FOCAD: variants seen among roughly 807,000 people sequenced by gnomAD.
FOCAD encodes the protein KIAA1797.
FOCAD carries 198 observed loss-of-function variants against 225.6 expected under a neutral mutation model. The ratio of observed to expected loss-of-function variants is 0.88; its 90% CI spans 0.78 to 0.99. FOCAD has a LOEUF of 0.99. Among genes scored for constraint, FOCAD ranks in the 50% least tolerant of loss-of-function variants. The probability of loss-of-function intolerance (pLI) is 0.00; values close to 1 mark genes in which losing one functional copy is unlikely to be tolerated. For missense variants in FOCAD, 2,713 were observed against 2,123.6 expected (o/e 1.28, Z -5.46); for synonymous variants, 897 against 755.0 (o/e 1.19, Z -3.08).
intron 15 of FOCAD, among the ~76,000 whole-genome samples, chr9:20,840,513 A>G (rs1164889465): frequency 1.4e-5 from 2 of 148,080 alleles, no homozygotes; most frequent in African/African-American, 4.9e-5. Context: ...TTATTTTATT[A>G]TTATAAGTAT....
chr9:20,912,369 C>A (rs1163856636), intron 22 of FOCAD, among the ~76,000 whole-genome samples: 1 of 151,950 alleles, frequency 6.6e-6, no homozygotes, highest in Non-Finnish European at 1.5e-5. Flanking sequence ...TTTATAAGTT[C>A]ACTCAAGAAA....
At chr9:20,774,975 C>A (rs1818613441) in intron 8 of FOCAD, among the ~76,000 whole-genome samples, 3 of 152,120 alleles carry the variant, frequency 2.0e-5, no homozygotes, top group Admixed American at 2.0e-4. Context: ...TGCTATAGGT[C>A]TATATGTACT....
At chr9:20,893,066 G>A (rs550163253) in intron 21 of FOCAD, among the ~76,000 whole-genome samples, 1 of 152,140 alleles carries the variant, frequency 6.6e-6, no homozygotes, top group South Asian at 2.1e-4. Flanking sequence ...CCAGGCTGGA[G>A]TGCAGTGACT....
intron 6 of FOCAD, among the ~76,000 whole-genome samples, chr9:20,759,321 G>T (rs1166826609): frequency 2.0e-5 from 3 of 152,074 alleles, no homozygotes; most frequent in Non-Finnish European, 4.4e-5. Flanking sequence ...ATACTACAAG[G>T]CTACAGTCAC....
chr9:20,733,871 C>T (rs1826916989), intron 4 of FOCAD, among the ~76,000 whole-genome samples: 1 of 152,106 alleles, frequency 6.6e-6, no homozygotes, highest in African/African-American at 2.4e-5. Flanking sequence ...TATGGTGATG[C>T]ACACCTATAG....
chr9:20,778,545 C>G, intron 8 of FOCAD, 136 bp from the exon 9 acceptor site: 1 of 562,398 alleles, frequency 1.8e-6, no homozygotes, highest in South Asian at 2.5e-5. Context: ...TAGTAGAGCA[C>G]ACTTGCTGTA....
intron 18 of FOCAD, chr9:20,872,672 T>C (rs1405179866): frequency 3.3e-5 from 5 of 152,032 alleles, no homozygotes; most frequent in Non-Finnish European, 5.9e-5. Context: ...ATGATTCATA[T>C]ACTGTACAAC....
intron 11 of FOCAD, 114 bp downstream of exon 11, chr9:20,789,722 A>ATT (rs543796120): frequency 2.9e-4 from 311 of 1,065,284 alleles, no homozygotes; most frequent in Middle Eastern, 5.1e-4. Flanking sequence ...TGGGTTGATG[A>ATT]TTTTTTTTTT....
chr9:20,682,781 G>T (rs761148110), upstream of FOCAD, among the ~76,000 whole-genome samples: 3 of 152,130 alleles, frequency 2.0e-5, no homozygotes, highest in Non-Finnish European at 4.4e-5. Flanking sequence ...TTGATTGATT[G>T]AATGATTGAT....
intron 36 of FOCAD, among the ~76,000 whole-genome samples, chr9:20,977,304 C>T (rs1392989352): frequency 1.3e-5 from 2 of 152,188 alleles, no homozygotes; most frequent in East Asian, 3.8e-4. Context: ...ATCTGCAAAG[C>T]TTCTTTGTCA....
At chr9:20,870,348 C>G (rs1318777375) in intron 18 of FOCAD, among the ~76,000 whole-genome samples, 1 of 152,122 alleles carries the variant, frequency 6.6e-6, no homozygotes, top group Non-Finnish European at 1.5e-5. Context: ...AAATAAAATT[C>G]TCTGTTTATG....
intron 7 of FOCAD, among the ~76,000 whole-genome samples, chr9:20,767,511 G>T (rs376177673): frequency 6.6e-6 from 1 of 151,456 alleles, no homozygotes; most frequent in South Asian, 2.1e-4. Flanking sequence ...TTTAATGATC[G>T]CCATTCTAAC....
chr9:20,741,240 G>A (rs1448286680), intron 5 of FOCAD, among the ~76,000 whole-genome samples: 1 of 152,154 alleles, frequency 6.6e-6, no homozygotes, highest in Non-Finnish European at 1.5e-5. Context: ...TTCAGTATTT[G>A]ACAACACAGG....
At chr9:20,802,015 A>G (rs909011854) in intron 11 of FOCAD, among the ~76,000 whole-genome samples, 1 of 152,138 alleles carries the variant, frequency 6.6e-6, no homozygotes, top group Non-Finnish European at 1.5e-5. Flanking sequence ...CTCTTAGGCA[A>G]GTTTTCAGGA....
chr9:20,662,645 G>C (rs1462022806), intron 2 of FOCAD, among the ~76,000 whole-genome samples: 1 of 151,646 alleles, frequency 6.6e-6, no homozygotes, highest in East Asian at 1.9e-4. Context: ...TTTTTTTAGA[G>C]GTGGGGGTCT....
At chr9:20,677,185 T>G (rs1003888005) in intron 2 of FOCAD, among the ~76,000 whole-genome samples, 1 of 152,166 alleles carries the variant, frequency 6.6e-6, no homozygotes, top group Non-Finnish European at 1.5e-5. Flanking sequence ...GAGAATGAAA[T>G]TGGACCCTTA....
intron 5 of FOCAD, among the ~76,000 whole-genome samples, chr9:20,755,103 C>G (rs1417583831): frequency 6.6e-6 from 1 of 152,136 alleles, no homozygotes; most frequent in South Asian, 2.1e-4. Context: ...ATTCAGTGTT[C>G]TCCTCTTATA....
In FOCAD at chr9:20,946,691, T is replaced by G; in HGVS notation, c.3556-10T>G. The G allele has an allele frequency of 8.1e-6, 13 of 1,601,806 alleles. No homozygotes were observed. Among genetic ancestry groups the G allele is most frequent in the Non-Finnish European group, 1.1e-5 (13 of 1,175,596 alleles). On this transcript the variant is annotated splice_polypyrimidine_tract_variant and intron_variant, in intron 29 of 43. Coordinates refer to ENST00000338382, the MANE Select transcript of FOCAD (RefSeq NM_001375567.1). ...TGAAGACATATTTTTCTGCTGTATT[T>G]TCTTCTCAGGTCCTTGCCTACACAC...
chr9:20,720,101 T>C (rs1445293979), intron 3 of FOCAD, among the ~76,000 whole-genome samples: 2 of 152,194 alleles, frequency 1.3e-5, no homozygotes, highest in East Asian at 1.9e-4. Flanking sequence ...TTTAGCTTTG[T>C]TGTGTTGCTT....
Sources: allele counts gnomAD v4.1 joint callset (sites outside exome capture counted in the v4.1 genomes callset), GRCh38; gene constraint gnomAD v4.1.1; transcripts MANE v1.5; gene names NCBI Gene and HGNC (gene_info 2026-07-23, HGNC 2026-07-21).